The following TLE6 variants were observed in gnomAD, a reference collection of about 807,000 sequenced individuals.
TLE6 encodes the protein TLE family member 6, subcortical maternal complex member.
Under a neutral mutation model 77.1 loss-of-function variants are expected in TLE6, and 72 were observed. The observed-to-expected ratio is 0.93, with a 90% confidence interval of 0.77 to 1.14. The LOEUF (loss-of-function observed/expected upper bound fraction) is 1.14. TLE6 is among the 50% of genes most tolerant of loss of function. The pLI, the probability that TLE6 is intolerant of heterozygous loss-of-function variation, is 0.00. For synonymous variants in TLE6, 366 were observed against 287.3 expected, an observed-to-expected ratio of 1.27 and a Z score of -2.77; for missense variants, 843 against 747.6, an observed-to-expected ratio of 1.13 and a Z score of -1.49.
intron 2 of TLE6, among the ~76,000 whole-genome samples, chr19:2,978,933 G>A (rs1257134730): frequency 6.6e-6 from 1 of 151,980 alleles, no homozygotes; most frequent in African/African-American, 2.4e-5. Flanking sequence ...GTCAGATGAG[G>A]GATATTTTGT....
chr19:2,987,466 T>C, intron 8 of TLE6, 94 bp downstream of exon 8: 5 of 1,558,956 alleles, frequency 3.2e-6, no homozygotes, highest in Non-Finnish European at 4.4e-6. Context: ...CCTGTGGGAT[T>C]TGTCTTCCTT....
intron 1 of TLE6, 123 bp from the exon 2 acceptor site, chr19:2,978,075 G>A (rs1035945837): frequency 4.1e-5 from 28 of 677,250 alleles, no homozygotes; most frequent in Non-Finnish European, 5.7e-5. Context: ...TGGGAGAACC[G>A]CAGGATTGGG....
At position 2,989,259 on chromosome 19, in the gene TLE6, C is replaced by T. The variant is rs1443310907; in HGVS notation, c.939C>T (p.Ser313=). The change falls in exon 12 of 17, where the codon AGC becomes AGT. Residue 313 remains serine (S), a synonymous_variant. Coordinates refer to ENST00000246112, the MANE Select transcript of TLE6 (RefSeq NM_001143986.2). Reference sequence around the variant, plus strand: ...GCAGAAGAGGCATCAAGGTGTGGAGCCTGACTGGACAGGTGGCTGAGGACA... The same window carrying T: ...GCAGAAGAGGCATCAAGGTGTGGAGTCTGACTGGACAGGTGGCTGAGGACA... The part of the protein sequence containing the change: ...TCGRRGIKVW[S]LTGQVAEDRF... 6.2e-7 allele frequency: 1 copy of T among 1,613,818 alleles called. No homozygotes were observed. Among genetic ancestry groups the T allele is most frequent in the African/African-American group, 1.3e-5 (1 of 75,066 alleles).
intron 16 of TLE6, among the ~76,000 whole-genome samples, chr19:2,994,630 A>C (rs2089167834): frequency 6.8e-6 from 1 of 148,124 alleles, no homozygotes; most frequent in Admixed American, 6.6e-5. Flanking sequence ...ATAATTAAAA[A>C]CACTTTTAAA....
At chr19:2,983,553 G>A (rs757186657) in intron 5 of TLE6, among the ~76,000 whole-genome samples, 1 of 149,172 alleles carries the variant, frequency 6.7e-6, no homozygotes, top group Non-Finnish European at 1.5e-5. Context: ...CCTGAGGCAG[G>A]ACGGTGCCTG....
At chr19:2,993,634 ACAAGACCC>A in intron 15 of TLE6, 52 bp downstream of exon 15, 1 of 1,516,520 alleles carries the variant, frequency 6.6e-7, no homozygotes, top group Non-Finnish European at 8.8e-7. Context: ...CCAGCCTCCC[ACAAGACCC>A]CACCTAATGC....
rs990211265 is a variant in TLE6 at position 2,995,146 on chromosome 19, G to A, written c.*142G>A. The A allele has an allele frequency of 3.6e-5, 19 of 529,394 alleles. No individual in the cohort carries two copies. Among genetic ancestry groups the A allele is most frequent in the Admixed American group, 6.2e-5 (2 of 32,032 alleles). 32.8% of individuals were successfully genotyped at this position (529,394 alleles called of 1,614,324 possible). A position where few individuals can be genotyped will look rare whatever the true frequency, so the allele number is the denominator to read the frequency against. On this transcript the variant is annotated 3_prime_UTR_variant, in exon 17 of 17. Coordinates refer to ENST00000246112, the MANE Select transcript of TLE6 (RefSeq NM_001143986.2). The stretch of plus-strand genomic sequence containing the variant: ...ATCTAGTCTGTGGTGTAGACTGGTC[G>A]CCATCACGTGTAATAAAGCACCCGG...
In TLE6 at chr19:2,989,322, G is replaced by T. The variant is rs764286751; in HGVS notation, c.993+9G>T. On this transcript the variant is annotated intron_variant, in intron 12 of 16. Transcript: ENST00000246112. ...GCCACCTGCCTATACAGGTGAGGAC[G>T]GCCTTGGTTTCCAGGGATGCAGGGC... The T allele has an allele frequency of 1.1e-5, 18 of 1,610,816 alleles. No homozygotes were observed. Among genetic ancestry groups the T allele is most frequent in the Non-Finnish European group, 1.5e-5 (18 of 1,178,536 alleles).
chr19:2,989,778 G>A lies in TLE6; in HGVS notation c.1237G>A (p.Val413Met). ...GATCTGGGACCTGCGGGATCAGAGT[G>A]TGGTCAGGTGCGTTTGGGGGGTGGG... Reference protein sequence around the residue: ...VRIWDLRDQSVVRDLKGYPDG... With the variant: ...VRIWDLRDQSMVRDLKGYPDG... The change falls in exon 13 of 17, where the codon GTG (valine) becomes ATG (methionine). Residue 413 changes from valine to methionine, a missense_variant. By Grantham distance (21) the Val-to-Met change is conservative. Coordinates refer to ENST00000246112, the MANE Select transcript of TLE6 (RefSeq NM_001143986.2). 1 of 1,613,346 alleles carries A rather than the reference G, an allele frequency of 6.2e-7. No individual in the cohort carries two copies. Among genetic ancestry groups the A allele is most frequent in the South Asian group, 1.1e-5 (1 of 91,028 alleles).
chr19:2,995,056 T>TCCCCCCCCCCCTCCC lies in TLE6; in HGVS notation c.*62_*63insCTCCCCCCCCCCCCC. 1.2e-6 allele frequency: 1 copy of TCCCCCCCCCCCTCCC among 827,278 alleles called. No individual in the cohort carries two copies. Among genetic ancestry groups the TCCCCCCCCCCCTCCC allele is most frequent in the Non-Finnish European group, 1.9e-6 (1 of 533,532 alleles). The allele number at this position is 827,278 out of a possible 1,614,324, so 51.2% of individuals were successfully genotyped here. ...CGGCTCCTCTTTTCATCCCCCCCCT[T>TCCCCCCCCCCCTCCC]CCCCCCCCCCAACAAGGGGGACATG... On this transcript the variant is annotated 3_prime_UTR_variant, in exon 17 of 17. Transcript: ENST00000246112.
intron 13 of TLE6, among the ~76,000 whole-genome samples, chr19:2,990,060 G>GC (rs1415390314): frequency 2.6e-5 from 4 of 152,096 alleles, no homozygotes; most frequent in Non-Finnish European, 5.9e-5. Flanking sequence ...GGATGTGACA[G>GC]CCCCAAACTC....
At chr19:2,984,157 C>CG (rs1231786269) in intron 5 of TLE6, 1 of 152,340 alleles carries the variant, frequency 6.6e-6, no homozygotes, top group Non-Finnish European at 1.5e-5. Context: ...CACTCTCCCC[C>CG]GGGAGGGCTG....
chr19:2,980,004 A>C, intron 2 of TLE6, 96 bp from the exon 3 acceptor site: 1 of 860,124 alleles, frequency 1.2e-6, no homozygotes. Context: ...TTACTTTTGC[A>C]CCAACCTAAT....
Position 2,987,969 on chromosome 19 carries a change from G to T in TLE6, c.697G>T (p.Val233Phe). 6.2e-7 allele frequency: 1 copy of T among 1,610,568 alleles called. No individual in the cohort carries two copies. The highest frequency in any genetic ancestry group is 8.5e-7 in the Non-Finnish European group (1 of 1,178,228). ...AGACAGGAACACAAGTTGGGGTGTGGTCCAGGTGAGACCCAGGCCCGAGCT... is the reference window on the plus strand; with the variant it reads ...AGACAGGAACACAAGTTGGGGTGTGTTCCAGGTGAGACCCAGGCCCGAGCT... ...SQDRNTSWGV[V>F]QEPPGRASRF... The change falls in exon 10 of 17, where the codon GTC becomes TTC. Residue 233 changes from valine to phenylalanine, a missense_variant. By Grantham distance (50) the Val-to-Phe change is conservative. Transcript: ENST00000246112.
chr19:2,990,884 C>T (rs1330674588), intron 13 of TLE6, among the ~76,000 whole-genome samples: 2 of 151,350 alleles, frequency 1.3e-5, no homozygotes, highest in Non-Finnish European at 1.5e-5. Context: ...GCCTGTAATC[C>T]CAGCTACCCC....
At chr19:2,991,808 T>TGCCAA in intron 13 of TLE6, 35 bp from the exon 14 acceptor site, 1 of 1,610,932 alleles carries the variant, frequency 6.2e-7, no homozygotes, top group South Asian at 1.1e-5. Context: ...CTCAGAGTCT[T>TGCCAA]GACCTGATTG....
chr19:2,991,035 T>C (rs1170329463), intron 13 of TLE6, among the ~76,000 whole-genome samples: 1 of 139,352 alleles, frequency 7.2e-6, no homozygotes, highest in Non-Finnish European at 1.5e-5. Flanking sequence ...CATACATACA[T>C]ACATACATAT....
chr19:2,978,296 A>T lies in TLE6; in HGVS notation c.51+12A>T. ...CGAAAAGCACTTCGGTGAGGAGGGC[A>T]TGTGGTGGGATCAGCCCTCAAGGGA... On this transcript the variant is annotated intron_variant, in intron 2 of 16. Coordinates refer to ENST00000246112, the MANE Select transcript of TLE6 (RefSeq NM_001143986.2). 1.3e-6 allele frequency: 2 copies of T among 1,551,218 alleles called. No individual in the cohort carries two copies. Among genetic ancestry groups the T allele is most frequent in the South Asian group, 2.4e-5 (2 of 84,054 alleles).
intron 6 of TLE6, 27 bp from the exon 7 acceptor site, chr19:2,986,956 C>G (rs1429890680): frequency 1.3e-6 from 2 of 1,571,098 alleles, no homozygotes; most frequent in South Asian, 1.2e-5. Context: ...CCTCAAAGCT[C>G]TCACTGCCTT....
Sources: gnomAD v4.1 joint callset for allele counts (sites outside exome capture counted in the v4.1 genomes callset) on GRCh38, gnomAD v4.1.1 for gene constraint, MANE v1.5 for transcripts, NCBI Gene and HGNC (gene_info 2026-07-23, HGNC 2026-07-21) for gene names.